KLRC4: variants seen among roughly 807,000 people sequenced by gnomAD.
KLRC4 encodes NKG2-F type II integral membrane protein.
A neutral mutation model predicts 14.3 loss-of-function variants in KLRC4; 6 were observed. The observed-to-expected ratio is 0.42, with a 90% CI of 0.23 to 0.83. The LOEUF (loss-of-function observed/expected upper bound fraction) is 0.83. KLRC4 is among the 40% of genes least tolerant of loss of function. KLRC4 has a pLI of 0.29. For synonymous variants in KLRC4, 53 were observed against 60.5 expected, an observed-to-expected ratio of 0.88 and a Z score of 0.57; for missense variants, 158 against 179.4, an observed-to-expected ratio of 0.88 and a Z score of 0.68.
In KLRC4 at chr12:10,409,726, TA is replaced by T. The variant is rs1339505843; in HGVS notation, c.-152del. ...ATGTTCATTTTGCTGTTGACCAATA[TA>T]AAAGTCTGGTACTAATTTCCTAAAG... On this transcript the variant is annotated 5_prime_UTR_variant, in exon 1 of 4. Coordinates refer to ENST00000309384, the MANE Select transcript of KLRC4 (RefSeq NM_013431.2). The T allele has an allele frequency of 3.5e-6, 4 of 1,155,780 alleles. No homozygotes were observed. Among genetic ancestry groups the T allele is most frequent in the Non-Finnish European group, 4.6e-6 (4 of 877,110 alleles). The allele number at this position is 1,155,780 out of a possible 1,614,324, so 71.6% of individuals were successfully genotyped here.
Position 10,408,977 on chromosome 12 carries a change from T to C in KLRC4, c.221A>G (p.Glu74Gly), listed in dbSNP as rs1482277928. 2.5e-6 allele frequency: 4 copies of C among 1,613,770 alleles called. No homozygotes were observed. Among genetic ancestry groups the C allele is most frequent in the Non-Finnish European group, 3.4e-6 (4 of 1,179,738 alleles). Residue 74 changes from glutamate to glycine, a missense_variant, in exon 2 of 4, where the codon GAG becomes GGG. Glu to Gly is a moderately conservative substitution (Grantham distance 98). Coordinates refer to ENST00000309384, the MANE Select transcript of KLRC4 (RefSeq NM_013431.2). ...LLPPPEKLTAEVLGIICIVLM... is the reference protein window; with the variant it reads ...LLPPPEKLTAGVLGIICIVLM... Reference sequence around the variant, plus strand: ...GACAATGCAAATGATTCCTAGGACCTCAGCAGTGAGCTTCTCTGGAGGTGG... The same window carrying C: ...GACAATGCAAATGATTCCTAGGACCCCAGCAGTGAGCTTCTCTGGAGGTGG...
In KLRC4 at chr12:10,407,643, T is replaced by C; in HGVS notation, c.*10A>G. ...GAAACATTTACGTCTTACCATTTCT[T>C]CCTCATTATCTATAGAAAGCAGATC... On this transcript the variant is annotated 3_prime_UTR_variant, in exon 4 of 4. Transcript: ENST00000309384. 6.2e-7 allele frequency: 1 copy of C among 1,610,316 alleles called. No homozygotes were observed. The highest frequency in any genetic ancestry group is 2.2e-5 in the East Asian group (1 of 44,830).
chr12:10,407,556 T>A lies in KLRC4; in HGVS notation c.*97A>T. ...AAAATATATGAAGTAAATATATGTA[T>A]AAACATATGGATGATTTCTACAAAT... On this transcript the variant is annotated 3_prime_UTR_variant, in exon 4 of 4. Coordinates refer to ENST00000309384, the MANE Select transcript of KLRC4 (RefSeq NM_013431.2). 1 of 1,411,118 alleles carries A rather than the reference T, an allele frequency of 7.1e-7. No individual in the cohort carries two copies. The highest frequency in any genetic ancestry group is 9.7e-7 in the Non-Finnish European group (1 of 1,033,022). The allele number at this position is 1,411,118 out of a possible 1,614,324, so 87.4% of individuals were successfully genotyped here.
In KLRC4 at chr12:10,408,927, T is replaced by C. The variant is rs1863542362; in HGVS notation, c.271A>G (p.Ile91Val). The C allele has an allele frequency of 6.2e-7, 1 of 1,613,654 alleles. No individual in the cohort carries two copies. Among genetic ancestry groups the C allele is most frequent in the African/African-American group, 1.3e-5 (1 of 74,910 alleles). Residue 91 changes from isoleucine to valine, a missense_variant, in exon 2 of 4, where the codon ATA (isoleucine) becomes GTA (valine). Physicochemically the swap from Ile to Val is conservative, Grantham distance 29 (BLOSUM62 3). Coordinates refer to ENST00000309384, the MANE Select transcript of KLRC4 (RefSeq NM_013431.2). Reference sequence around the variant, plus strand: ...ATATGCTTACAAGGAATAAGAACTATTGTTTTTAACACAGTGGCCATCAGG... The same window carrying C: ...ATATGCTTACAAGGAATAAGAACTACTGTTTTTAACACAGTGGCCATCAGG... ...IVLMATVLKT[I>V]VLIPCIGVLE...
chr12:10,409,299 G>T, intron 1 of KLRC4, 90 bp downstream of exon 1: 11 of 1,318,560 alleles, frequency 8.3e-6, no homozygotes, highest in Non-Finnish European at 1.2e-5. Flanking sequence ...ATTCTCACAA[G>T]TGCAAAATAT....
Position 10,407,448 on chromosome 12 carries a change from CA to C in KLRC4, c.*204del. 1.9e-6 allele frequency: 1 copy of C among 531,442 alleles called. No individual in the cohort carries two copies. The highest frequency in any genetic ancestry group is 3.1e-6 in the Non-Finnish European group (1 of 326,136). 32.9% of individuals were successfully genotyped at this position (531,442 alleles called of 1,614,324 possible). On this transcript the variant is annotated 3_prime_UTR_variant, in exon 4 of 4. Coordinates refer to ENST00000309384, the MANE Select transcript of KLRC4 (RefSeq NM_013431.2). ...TAGAAGCATGGGTTTCCATGAAAAGCAAAACTGGAAATAACCAAATGTGCAT... is the reference window on the plus strand; with the variant it reads ...TAGAAGCATGGGTTTCCATGAAAAGCAAACTGGAAATAACCAAATGTGCAT...
rs1863555751 is a variant in KLRC4 at position 10,409,755 on chromosome 12, T to G, written c.-180A>C. 4 of 902,686 alleles carry G rather than the reference T, an allele frequency of 4.4e-6. No individual in the cohort carries two copies. The highest frequency in any genetic ancestry group is 7.8e-5 in the Admixed American group (2 of 25,636). 55.9% of individuals were successfully genotyped at this position (902,686 alleles called of 1,614,324 possible). On this transcript the variant is annotated 5_prime_UTR_variant, in exon 1 of 4. Coordinates refer to ENST00000309384, the MANE Select transcript of KLRC4 (RefSeq NM_013431.2). ...AGTCTGGTACTAATTTCCTAAAGTTTTAAACTGAAATCTCTTTAAACAATA... is the reference window on the plus strand; with the variant it reads ...AGTCTGGTACTAATTTCCTAAAGTTGTAAACTGAAATCTCTTTAAACAATA...
intron 2 of KLRC4, 57 bp from the exon 3 acceptor site, chr12:10,408,439 T>G (rs1458080004): frequency 2.4e-6 from 2 of 827,340 alleles, no homozygotes; most frequent in East Asian, 5.5e-5. Context: ...TATAATAAAT[T>G]CAGTTGCTTA....
At position 10,409,683 on chromosome 12, in the gene KLRC4, G is replaced by A; in HGVS notation, c.-108C>T. On this transcript the variant is annotated 5_prime_UTR_variant, in exon 1 of 4. Coordinates refer to ENST00000309384, the MANE Select transcript of KLRC4 (RefSeq NM_013431.2). ...TCCCTGGTATAGGCAAACTGCATGT[G>A]TTGGAGGCTGAGTAGTAATGTTCAT... The A allele has an allele frequency of 7.1e-7, 1 of 1,416,808 alleles. No homozygotes were observed. The highest frequency in any genetic ancestry group is 9.5e-7 in the Non-Finnish European group (1 of 1,057,844). The allele number at this position is 1,416,808 out of a possible 1,614,324, so 87.8% of individuals were successfully genotyped here. A position where few individuals can be genotyped will look rare whatever the true frequency, so the allele number is the denominator to read the frequency against.
At position 10,407,779 on chromosome 12, in the gene KLRC4, A is replaced by G. The variant is rs1346926164; in HGVS notation, c.351T>C (p.Cys117=). The G allele has an allele frequency of 6.2e-7, 1 of 1,605,154 alleles. No homozygotes were observed. The highest frequency in any genetic ancestry group is 1.1e-5 in the South Asian group (1 of 88,514). The change falls in exon 4 of 4, where the codon TGT becomes TGC. Residue 117 remains cysteine (C), a synonymous_variant. Coordinates refer to ENST00000309384, the MANE Select transcript of KLRC4 (RefSeq NM_013431.2). ...LNRRMQKARH[C]GHCPEEWITY... is the part of the protein sequence containing the mutation. Reference sequence around the variant, plus strand: ...TAATCCACTCCTCAGGACAATGGCCACAATGACGTGCTAAATAAAAATATG... The same window carrying G: ...TAATCCACTCCTCAGGACAATGGCCGCAATGACGTGCTAAATAAAAATATG...
At chr12:10,409,105 T>C (rs1863546076) in intron 1 of KLRC4, 95 bp from the exon 2 acceptor site, 1 of 1,319,296 alleles carries the variant, frequency 7.6e-7, no homozygotes, top group African/African-American at 1.5e-5. Context: ...GAAAACATAA[T>C]GATAAACTCT....
Position 10,409,724 on chromosome 12 carries a change from T to C in KLRC4, c.-149A>G, listed in dbSNP as rs1213588476. The C allele has an allele frequency of 1.5e-5, 18 of 1,163,032 alleles. No homozygotes were observed. The highest frequency in any genetic ancestry group is 2.0e-5 in the Non-Finnish European group (18 of 883,042). The allele number at this position is 1,163,032 out of a possible 1,614,324, so 72.0% of individuals were successfully genotyped here. On this transcript the variant is annotated 5_prime_UTR_variant, in exon 1 of 4. It adds an upstream start codon to the 5' untranslated region. Coordinates refer to ENST00000309384, the MANE Select transcript of KLRC4 (RefSeq NM_013431.2). The stretch of plus-strand genomic sequence containing the variant: ...TAATGTTCATTTTGCTGTTGACCAA[T>C]ATAAAAGTCTGGTACTAATTTCCTA...
intron 2 of KLRC4, among the ~76,000 whole-genome samples, 193 bp downstream of exon 2, chr12:10,408,719 C>CA (rs922397263): frequency 6.6e-6 from 1 of 151,560 alleles, no homozygotes; most frequent in East Asian, 1.9e-4. Flanking sequence ...TTAGTACACA[C>CA]AAAAAAATAA....
Position 10,407,593 on chromosome 12 carries a change from A to G in KLRC4, c.*60T>C. 6.4e-7 allele frequency: 1 copy of G among 1,566,876 alleles called. No homozygotes were observed. The highest frequency in any genetic ancestry group is 8.7e-7 in the Non-Finnish European group (1 of 1,153,496). On this transcript the variant is annotated 3_prime_UTR_variant, in exon 4 of 4. Coordinates refer to ENST00000309384, the MANE Select transcript of KLRC4 (RefSeq NM_013431.2). ...TGATTTCTACAAATATGATATTGAC[A>G]GAAATAAGCTTTTAGTAAAGTGTTG...
At position 10,409,589 on chromosome 12, in the gene KLRC4, T is replaced by C. The variant is rs370452326; in HGVS notation, c.-14A>G. 132 of 1,608,214 alleles carry C rather than the reference T, an allele frequency of 8.2e-5. No individual in the cohort carries two copies. The highest frequency in any genetic ancestry group is 8.7e-5 in the Non-Finnish European group (103 of 1,177,868). ...TTGTTTATTCATCTCTGCAGCTGTG[T>C]GATGTCAGGGACTGTGCTCTATGAT... On this transcript the variant is annotated 5_prime_UTR_variant, in exon 1 of 4. Transcript: ENST00000309384.
At chr12:10,407,844 T>C (rs1863521792) in intron 3 of KLRC4, 55 bp from the exon 4 acceptor site, 1 of 1,560,584 alleles carries the variant, frequency 6.4e-7, no homozygotes, top group Admixed American at 2.0e-5. Flanking sequence ...ATGAAAATTA[T>C]TTTATATATT....
rs753774225 is a variant in KLRC4, at chr12:10,407,678, C to T, written c.452G>A (p.Arg151Gln). ...CTATAGAAAGCAGATCAGAGTTCTT[C>T]GAAGCACAGGCCAGCAAACTCTTTC... ...WEERVCWPVLRRTLICFL is the reference protein window; with the variant it reads ...WEERVCWPVLQRTLICFL The change falls in exon 4 of 4, where the codon CGA (arginine) becomes CAA (glutamine). Residue 151 changes from arginine (R) to glutamine (Q), a missense_variant. Transcript: ENST00000309384. 24 of 1,613,546 alleles carry T rather than the reference C, an allele frequency of 1.5e-5. No individual in the cohort carries two copies. The highest frequency in any genetic ancestry group is 1.4e-4 in the South Asian group (13 of 91,042).
intron 1 of KLRC4, 78 bp downstream of exon 1, chr12:10,409,311 C>A: frequency 7.1e-7 from 1 of 1,400,402 alleles, no homozygotes; most frequent in Non-Finnish European, 9.9e-7. Flanking sequence ...GCAAAATATT[C>A]CCTAATCTTT....
rs1438929671 is a variant in KLRC4 at position 10,409,454 on chromosome 12, A to G, written c.122T>C (p.Val41Ala). 6.2e-7 allele frequency: 1 copy of G among 1,613,662 alleles called. No individual in the cohort carries two copies. The highest frequency in any genetic ancestry group is 1.7e-5 in the Admixed American group (1 of 60,012). ...AGAAGCATTTTGAAGGTTTAATTCTACTTGGAATATTTCCTGTTTGGTTCC... is the reference window on the plus strand; with the variant it reads ...AGAAGCATTTTGAAGGTTTAATTCTGCTTGGAATATTTCCTGTTTGGTTCC... ...ISGTKQEIFQ[V>A]ELNLQNASSD... The change falls in exon 1 of 4, where the codon GTA becomes GCA. Residue 41 changes from valine to alanine, a missense_variant. Transcript: ENST00000309384.
Sources: gnomAD v4.1 joint callset for allele counts (sites outside exome capture counted in the v4.1 genomes callset) on GRCh38, gnomAD v4.1.1 for gene constraint, MANE v1.5 for transcripts, NCBI Gene and HGNC (gene_info 2026-07-23, HGNC 2026-07-21) for gene names.